DIAPH2: variants seen among roughly 807,000 people sequenced by gnomAD.
DIAPH2 encodes the protein protein diaphanous homolog 2.
A neutral mutation model predicts 92.7 loss-of-function variants in DIAPH2; 35 were observed. That is an observed-to-expected ratio of 0.38 (90% CI 0.29 to 0.50). The LOEUF (loss-of-function observed/expected upper bound fraction) is 0.50, where lower values mean the gene tolerates loss of function less well. DIAPH2 is among the 20% of genes least tolerant of loss of function. The probability of loss-of-function intolerance (pLI) is 0.94; values close to 1 mark genes in which losing one functional copy is unlikely to be tolerated. For missense variants in DIAPH2, 701 were observed against 819.5 expected (o/e 0.86, Z 1.77); for synonymous variants, 301 against 280.4 (o/e 1.07, Z -0.73).
At chrX:96,876,248 A>C (rs1353993198) in intron 4 of DIAPH2, among the ~76,000 whole-genome samples, 1 of 111,568 alleles carries the variant, frequency 9.0e-6, no homozygotes. Flanking sequence ...ATCATTAAAA[A>C]GTCAGGAAAC....
intron 22 of DIAPH2, among the ~76,000 whole-genome samples, chrX:97,171,800 C>T (rs1438655721): frequency 2.7e-5 from 3 of 110,522 alleles, no homozygotes; most frequent in Non-Finnish European, 3.8e-5. Flanking sequence ...ATCAGCCAGG[C>T]GTTGGGGCGG....
At chrX:96,762,227 TATGTTTAGG>T (rs2064273424) in intron 4 of DIAPH2, among the ~76,000 whole-genome samples, 1 of 111,476 alleles carries the variant, frequency 9.0e-6, no homozygotes, top group African/African-American at 3.2e-5. Flanking sequence ...TGGATAAAAT[TATGTTTAGG>T]ACTATGAGTT....
chrX:97,369,081 T>C (rs1289835707), intron 24 of DIAPH2, among the ~76,000 whole-genome samples: 7 of 109,352 alleles, frequency 6.4e-5, no homozygotes, highest in Non-Finnish European at 1.3e-4. Flanking sequence ...CTGATTTTTG[T>C]ATTTTTATTA....
chrX:97,546,707 A>G (rs1430539883), intron 26 of DIAPH2, among the ~76,000 whole-genome samples: 2 of 110,974 alleles, frequency 1.8e-5, no homozygotes, highest in African/African-American at 6.6e-5. Context: ...GTGGTGGTGC[A>G]TGCCTGTAAT....
intron 21 of DIAPH2, among the ~76,000 whole-genome samples, chrX:97,121,630 C>G (rs1360874630): frequency 1.8e-5 from 2 of 111,660 alleles, no homozygotes; most frequent in Admixed American, 1.9e-4. Context: ...TTTTTGCCAG[C>G]AAAACTGTTG....
In DIAPH2 at chrX:96,939,566, ATGTGTGTGTGTGTG is replaced by A. The variant is rs1158448452; in HGVS notation, c.1325+186_1325+199del. ...TGTATGTATATATGTATATATATAT[ATGTGTGTGTGTGTG>A]TATATGTGTGTGTGTGTATATACAC... is the stretch of plus-strand genomic sequence containing the variant. On this transcript the variant is annotated intron_variant, in intron 12 of 26. Coordinates refer to ENST00000324765, the MANE Select transcript of DIAPH2 (RefSeq NM_006729.5). Among the ~76,000 whole-genome samples, 60 of 70,484 alleles carry A rather than the reference ATGTGTGTGTGTGTG, an allele frequency of 8.5e-4. 1 individual carries two copies. Among genetic ancestry groups the A allele is most frequent in the African/African-American group, 2.8e-3 (57 of 20,501 alleles). The allele number at this position is 70,484 out of a possible 115,157, so 61.2% of individuals were successfully genotyped here.
At chrX:96,980,980 G>A (rs1033084551) in intron 17 of DIAPH2, among the ~76,000 whole-genome samples, 3 of 92,517 alleles carry the variant, frequency 3.2e-5, no homozygotes, top group Non-Finnish European at 6.2e-5. Context: ...GGGCAACATG[G>A]TGAAACCCCA....
At chrX:96,855,204 G>T (rs2065031996) in intron 4 of DIAPH2, among the ~76,000 whole-genome samples, 1 of 109,986 alleles carries the variant, frequency 9.1e-6, no homozygotes, top group Non-Finnish European at 1.9e-5. Flanking sequence ...CAGTGTGATG[G>T]TTTTTCTTCA....
chrX:97,596,493 A>AAAC (rs202053939), intron 26 of DIAPH2, among the ~76,000 whole-genome samples: 4,550 of 111,738 alleles, frequency 0.041, 84 homozygotes, highest in Non-Finnish European at 0.061. Flanking sequence ...TTTTTCACTT[A>AAAC]AACTATACTA....
intron 25 of DIAPH2, among the ~76,000 whole-genome samples, chrX:97,418,392 G>A (rs1161636232): frequency 1.8e-5 from 2 of 111,920 alleles, no homozygotes; most frequent in Non-Finnish European, 3.8e-5. Flanking sequence ...TTTATACTCC[G>A]TGGGCTGCCA....
chrX:97,188,717 C>T (rs2067627338), intron 22 of DIAPH2, among the ~76,000 whole-genome samples: 1 of 112,154 alleles, frequency 8.9e-6, no homozygotes, highest in Admixed American at 9.5e-5. Flanking sequence ...AAAGGTTGTT[C>T]CCTAAATTAC....
intron 5 of DIAPH2, among the ~76,000 whole-genome samples, chrX:96,888,630 GAT>G (rs1185567649): frequency 1.1e-5 from 1 of 93,168 alleles, no homozygotes; most frequent in African/African-American, 4.2e-5. Flanking sequence ...TATATACACA[GAT>G]ATATATATCT....
At chrX:97,598,374 G>GTT (rs1335311060) in intron 26 of DIAPH2, among the ~76,000 whole-genome samples, 1 of 112,017 alleles carries the variant, frequency 8.9e-6, no homozygotes, top group Non-Finnish European at 1.9e-5. Flanking sequence ...AGTGTAAAGT[G>GTT]TTAGCATTTA....
At chrX:97,214,839 A>G (rs952056490) in intron 22 of DIAPH2, among the ~76,000 whole-genome samples, 3 of 40,498 alleles carry the variant, frequency 7.4e-5, no homozygotes, top group Non-Finnish European at 1.3e-4. Flanking sequence ...CTCAAATTAA[A>G]AAAAAAAAAA....
intron 5 of DIAPH2, among the ~76,000 whole-genome samples, chrX:96,909,553 C>A (rs114330313): frequency 2.2e-3 from 246 of 110,656 alleles, no homozygotes; most frequent in African/African-American, 7.8e-3. Context: ...TAACCTCTTG[C>A]GCATCGTCAT....
intron 26 of DIAPH2, among the ~76,000 whole-genome samples, chrX:97,577,188 C>G (rs919631574): frequency 2.7e-5 from 3 of 111,669 alleles, no homozygotes; most frequent in Non-Finnish European, 1.9e-5. Flanking sequence ...ACAGTTAGAC[C>G]CAGAGTAAAA....
intron 23 of DIAPH2, among the ~76,000 whole-genome samples, chrX:97,300,887 A>C (rs375178609): frequency 9.1e-5 from 8 of 88,350 alleles, no homozygotes; most frequent in South Asian, 7.3e-4. Context: ...AGCCGAGATC[A>C]CGCCACTGCA....
At chrX:97,024,699 G>A (rs1219090510) in intron 17 of DIAPH2, among the ~76,000 whole-genome samples, 1 of 112,085 alleles carries the variant, frequency 8.9e-6, no homozygotes, top group East Asian at 2.8e-4. Context: ...AAGAAACAAA[G>A]CAACTAGCCA....
intron 26 of DIAPH2, among the ~76,000 whole-genome samples, chrX:97,510,597 T>C (rs1433646623): frequency 1.3e-4 from 13 of 101,412 alleles, no homozygotes; most frequent in African/African-American, 4.3e-4. Context: ...GCCTATGTCC[T>C]GAATGGTAAT....
Sources: gnomAD v4.1 joint callset for allele counts (sites outside exome capture counted in the v4.1 genomes callset) on GRCh38, gnomAD v4.1.1 for gene constraint, MANE v1.5 for transcripts, NCBI Gene and HGNC (gene_info 2026-07-23, HGNC 2026-07-21) for gene names.